The following BBS12 variants were observed in gnomAD, a reference collection of about 807,000 sequenced individuals.
The protein encoded by BBS12 is chaperonin-containing T-complex member BBS12.
A neutral mutation model predicts 5.6 loss-of-function variants in BBS12; 5 were observed. That is an observed-to-expected ratio of 0.89 (90% CI 0.46 to 1.86). The LOEUF is 1.86. Ranked by LOEUF, BBS12 falls within the 40% of genes most tolerant of loss-of-function variation. BBS12 has a pLI of 0.01. For synonymous variants in BBS12, 308 were observed against 306.8 expected (o/e 1.00, Z -0.04); for missense variants, 748 against 830.4 (o/e 0.90, Z 1.22).
At chr4:122,735,673 A>G (rs891490978) in intron 1 of BBS12, among the ~76,000 whole-genome samples, 19 of 152,338 alleles carry the variant, frequency 1.2e-4, no homozygotes, top group Admixed American at 4.6e-4. Context: ...TATGGTGAAA[A>G]AAATTCATTC....
In BBS12 at chr4:122,744,421, A is replaced by G; in HGVS notation, c.*396A>G. ...TAAGCTTGGGTTATTAACTGCTTTT[A>G]TAGTAAGCAAAAAAATCCTGGTCTT... On this transcript the variant is annotated 3_prime_UTR_variant, in exon 2 of 2. Transcript: ENST00000314218. 1 of 191,802 alleles carries G rather than the reference A, an allele frequency of 5.2e-6. No homozygotes were observed. The allele number at this position is 191,802 out of a possible 1,614,324, so 11.9% of individuals were successfully genotyped here. A position where few individuals can be genotyped will look rare whatever the true frequency, so the allele number is the denominator to read the frequency against.
the BBS12 span, among the ~76,000 whole-genome samples, chr4:122,722,980 G>T: frequency 4.2e-4 from 64 of 152,060 alleles, no homozygotes; most frequent in Admixed American, 7.2e-4. Context: ...ATACCCTTAC[G>T]CTGTTCACAG....
rs1553941279 is a variant in BBS12 at position 122,742,457 on chromosome 4, C to CT, written c.568dup (p.Ser190PhefsTer6). On this transcript the variant is annotated frameshift_variant, in exon 2 of 2. Transcript: ENST00000314218. LOFTEE classifies it low-confidence loss of function (END_TRUNC). ...CTCTCAAACACTGACCATTTCCAAC[C>CT]TTTCTGGGAGACCTCTTAAATCATA... 6.2e-7 allele frequency: 1 copy of CT among 1,614,164 alleles called. No homozygotes were observed. Among genetic ancestry groups the CT allele is most frequent in the Non-Finnish European group, 8.5e-7 (1 of 1,180,022 alleles).
the BBS12 span, among the ~76,000 whole-genome samples, chr4:122,725,285 C>A: frequency 0.44 from 66,292 of 151,938 alleles, 16,096 homozygotes; most frequent in East Asian, 0.65. Flanking sequence ...TATGGAACCA[C>A]AAAAGAGCCC....
At chr4:122,702,540 T>C in the BBS12 span, among the ~76,000 whole-genome samples, 4 of 152,182 alleles carry the variant, frequency 2.6e-5, no homozygotes, top group Admixed American at 1.3e-4. Flanking sequence ...GTAGGCTATG[T>C]GTATATTGGA....
the BBS12 span, among the ~76,000 whole-genome samples, chr4:122,711,982 G>A: frequency 1.3e-5 from 2 of 152,152 alleles, no homozygotes; most frequent in Admixed American, 1.3e-4. Flanking sequence ...AGGCAAATTG[G>A]TCTCTCTCTC....
chr4:122,722,491 A>G, the BBS12 span, among the ~76,000 whole-genome samples: 5 of 152,356 alleles, frequency 3.3e-5, no homozygotes, highest in South Asian at 1.0e-3. Flanking sequence ...TAAGCAGACA[A>G]CTAATGTCTT....
Position 122,743,886 on chromosome 4 carries a change from T to C in BBS12, c.1994T>C (p.Val665Ala), listed in dbSNP as rs1263029619. 6.2e-7 allele frequency: 1 copy of C among 1,604,652 alleles called. No homozygotes were observed. The highest frequency in any genetic ancestry group is 1.3e-5 in the African/African-American group (1 of 74,512). ...KLEQIPRVYD[V>A]VTPKIEAWRR... is the part of the protein sequence containing the mutation. Reference sequence around the variant, plus strand: ...GAGCAGATTCCGAGAGTTTATGACGTTGTTACACCAAAGATTGAGGCGTGG... The same window carrying C: ...GAGCAGATTCCGAGAGTTTATGACGCTGTTACACCAAAGATTGAGGCGTGG... The change falls in exon 2 of 2, where the codon GTT becomes GCT. Residue 665 changes from valine (V) to alanine (A), a missense_variant. Physicochemically the swap from Val to Ala is moderately conservative, Grantham distance 64. Transcript: ENST00000314218.
In BBS12 at chr4:122,743,976, GAC is replaced by G; in HGVS notation, c.2092_2093del (p.Gln698AspfsTer26). 1.2e-6 allele frequency: 2 copies of G among 1,614,026 alleles called. No homozygotes were observed. Among genetic ancestry groups the G allele is most frequent in the Non-Finnish European group, 1.7e-6 (2 of 1,179,976 alleles). On this transcript the variant is annotated frameshift_variant, in exon 2 of 2. Coordinates refer to ENST00000314218, the MANE Select transcript of BBS12 (RefSeq NM_152618.3). LOFTEE classifies it high-confidence loss of function. ...GACAGTGAAATAATTACTGGACATG[GAC>G]ACACACAGATAAATTCACAGGAATT... is the stretch of plus-strand genomic sequence containing the variant.
chr4:122,716,180 C>T, the BBS12 span, among the ~76,000 whole-genome samples: 1 of 152,114 alleles, frequency 6.6e-6, no homozygotes, highest in African/African-American at 2.4e-5. Flanking sequence ...GATTATAGTT[C>T]AAATCCCTTG....
chr4:122,702,533 G>A, the BBS12 span, among the ~76,000 whole-genome samples: 10 of 152,180 alleles, frequency 6.6e-5, no homozygotes, highest in African/African-American at 2.4e-4. Flanking sequence ...CTGCAGGGTA[G>A]GCTATGTGTA....
the BBS12 span, among the ~76,000 whole-genome samples, chr4:122,727,526 A>AGCATGTAAATT: frequency 7.3e-6 from 1 of 136,616 alleles, no homozygotes; most frequent in Admixed American, 7.8e-5. Flanking sequence ...TACAGGCATG[A>AGCATGTAAATT]GCCACCGCCC....
At chr4:122,720,257 C>A in the BBS12 span, among the ~76,000 whole-genome samples, 3 of 152,126 alleles carry the variant, frequency 2.0e-5, no homozygotes, top group Non-Finnish European at 2.9e-5. Context: ...TCGAGACCAG[C>A]CTGGCCAACA....
At chr4:122,728,251 C>T (rs927874450), upstream of BBS12, among the ~76,000 whole-genome samples, 1 of 152,038 alleles carries the variant, frequency 6.6e-6, no homozygotes, top group African/African-American at 2.4e-5. Context: ...TAAAATGTCT[C>T]CCATTAGAAG....
Position 122,742,819 on chromosome 4 carries a change from G to GT in BBS12, c.930dup (p.Asp311Ter). On this transcript the variant is annotated frameshift_variant, in exon 2 of 2. Transcript: ENST00000314218. LOFTEE classifies it low-confidence loss of function (END_TRUNC). ...AAGGCAACTGTACAAAACCATTTAT[G>GT]TTTGACATTTCAAGAATTTTCACTT... 6.2e-7 allele frequency: 1 copy of GT among 1,614,220 alleles called. No homozygotes were observed. Among genetic ancestry groups the GT allele is most frequent in the Non-Finnish European group, 8.5e-7 (1 of 1,180,028 alleles).
the BBS12 span, among the ~76,000 whole-genome samples, chr4:122,722,369 C>T: frequency 1.3e-5 from 2 of 152,178 alleles, no homozygotes; most frequent in Admixed American, 1.3e-4. Context: ...CTTACCTGTG[C>T]TTTGGTTGTG....
upstream of BBS12, chr4:122,730,505 T>C (rs1356638541): frequency 6.6e-6 from 1 of 152,186 alleles, no homozygotes; most frequent in Non-Finnish European, 1.5e-5. Context: ...GCATAACAAA[T>C]ACAAATTTGT....
the BBS12 span, among the ~76,000 whole-genome samples, chr4:122,715,447 C>CGG: frequency 6.6e-6 from 1 of 152,046 alleles, no homozygotes; most frequent in Non-Finnish European, 1.5e-5. Flanking sequence ...GTTCTCTGAC[C>CGG]GGGTGCCTGT....
At chr4:122,720,507 G>T in the BBS12 span, among the ~76,000 whole-genome samples, 3 of 152,040 alleles carry the variant, frequency 2.0e-5, no homozygotes, top group Non-Finnish European at 4.4e-5. Flanking sequence ...TTTCAACAAA[G>T]ACCTGGAATC....
Sources: allele counts gnomAD v4.1 joint callset (sites outside exome capture counted in the v4.1 genomes callset), GRCh38; gene constraint gnomAD v4.1.1; transcripts MANE v1.5; gene names NCBI Gene and HGNC (gene_info 2026-07-23, HGNC 2026-07-21).